PTPDC1: variants seen among roughly 807,000 people sequenced by gnomAD.
The protein encoded by PTPDC1 is protein tyrosine phosphatase domain containing 1.
Under a neutral mutation model 75.3 loss-of-function variants are expected in PTPDC1, and 53 were observed. That is an observed-to-expected ratio of 0.70 (90% confidence interval 0.56 to 0.88). The LOEUF is 0.88. PTPDC1 is among the 40% of genes least tolerant of loss of function. The pLI is 0.00. For synonymous variants in PTPDC1, 349 were observed against 366.2 expected, an observed-to-expected ratio of 0.95 and a Z score of 0.54; for missense variants, 925 against 998.6, an observed-to-expected ratio of 0.93 and a Z score of 0.99.
At chr9:94,040,703 C>T (rs1825404312) in intron 1 of PTPDC1, among the ~76,000 whole-genome samples, 1 of 152,060 alleles carries the variant, frequency 6.6e-6, no homozygotes, top group Non-Finnish European at 1.5e-5. Context: ...TATTTGTACA[C>T]AATTTTGTAT....
intron 8 of PTPDC1, among the ~76,000 whole-genome samples, chr9:94,105,637 C>T (rs867857459): frequency 6.2e-5 from 9 of 146,070 alleles, no homozygotes; most frequent in Admixed American, 2.1e-4. Flanking sequence ...CACTGCACTC[C>T]GGCCTGGCAA....
rs536846372 is a variant in PTPDC1 at position 94,049,353 on chromosome 9, G to A, written c.-6-15381G>A. 9.0e-4 allele frequency among the ~76,000 whole-genome samples: 137 copies of A among 152,216 alleles called. 1 individual carries two copies. Among genetic ancestry groups the A allele is most frequent in the African/African-American group, 2.8e-3 (117 of 41,524 alleles). On this transcript the variant is annotated intron_variant, in intron 1 of 9. Coordinates refer to the PTPDC1 transcript ENST00000375360. ...GCATGTTTTTGCAGCAGCTGGTACC[G>A]GTTGTTCCTTTCCATGCTTAGTGCT...
Position 94,085,320 on chromosome 9 carries a change from AC to A in PTPDC1, c.315del (p.His105GlnfsTer65), listed in dbSNP as rs1827031830. ...CGTTTACGGCATGTCATTCCTGGAC[AC>A]ATGGCATGTTCCATGGCGTGTGGCG... ...GERLRHVIPG[H>X]MACSMACGGR... On this transcript the variant is annotated frameshift_variant, in exon 2 of 9. Coordinates refer to ENST00000620992, the MANE Select transcript of PTPDC1 (RefSeq NM_001253829.2). LOFTEE classifies it high-confidence loss of function. 1 of 1,614,114 alleles carries A rather than the reference AC, an allele frequency of 6.2e-7. No homozygotes were observed. The highest frequency in any genetic ancestry group is 8.5e-7 in the Non-Finnish European group (1 of 1,180,040).
chr9:94,049,663 A>G (rs1430417130), intron 1 of PTPDC1, among the ~76,000 whole-genome samples: 1 of 151,978 alleles, frequency 6.6e-6, no homozygotes, highest in African/African-American at 2.4e-5. Flanking sequence ...CCTTCATTTC[A>G]ACTTTGGTGA....
chr9:94,068,255 C>A (rs764299527), intron 2 of PTPDC1, among the ~76,000 whole-genome samples: 15 of 152,032 alleles, frequency 9.9e-5, no homozygotes, highest in Non-Finnish European at 2.1e-4. Flanking sequence ...ACTCAGAGAC[C>A]CCCATTCAAG....
intron 2 of PTPDC1, among the ~76,000 whole-genome samples, chr9:94,078,750 T>G (rs1218700436): frequency 1.3e-5 from 2 of 152,234 alleles, no homozygotes; most frequent in African/African-American, 4.8e-5. Flanking sequence ...CCACTTCAGA[T>G]CCTCTGTTGA....
upstream of PTPDC1, among the ~76,000 whole-genome samples, chr9:94,080,793 A>G (rs1826850711): frequency 6.6e-6 from 1 of 152,202 alleles, no homozygotes; most frequent in East Asian, 1.9e-4. Flanking sequence ...ACATTTTTGG[A>G]GTAATCAGTG....
In PTPDC1 at chr9:94,035,639, C is replaced by T. The variant is rs574805511; in HGVS notation, c.-7+4512C>T. On this transcript the variant is annotated intron_variant, in intron 1 of 9. Transcript: ENST00000375360. Reference sequence around the variant, plus strand: ...CCATTGTGAATACTGCTACAATAAACGTGGGCATGCAGACATCTCTTCAAC... The same window carrying T: ...CCATTGTGAATACTGCTACAATAAATGTGGGCATGCAGACATCTCTTCAAC... 3.1e-4 allele frequency among the ~76,000 whole-genome samples: 47 copies of T among 152,298 alleles called. 1 individual carries two copies. Among genetic ancestry groups the T allele is most frequent in the African/African-American group, 1.1e-3 (45 of 41,580 alleles).
At chr9:94,060,794 C>T (rs1215143917) in intron 1 of PTPDC1, among the ~76,000 whole-genome samples, 1 of 152,184 alleles carries the variant, frequency 6.6e-6, no homozygotes, top group Non-Finnish European at 1.5e-5. Context: ...CATGAGAACT[C>T]TGCCCCCACC....
In PTPDC1 at chr9:94,097,508, T is replaced by C; in HGVS notation, c.942T>C (p.Ala314=). The change falls in exon 6 of 9, where the codon GCT becomes GCC. Residue 314 remains alanine (A), a synonymous_variant. Transcript: ENST00000620992. ...IFSCCDPKAH[A]VTLPQYLIRQ... is the part of the protein sequence containing the mutation. ...CTTGCTGTGATCCCAAAGCACATGC[T>C]GTCACCTTACCTCAATATCTAATTC... 2 of 1,614,210 alleles carry C rather than the reference T, an allele frequency of 1.2e-6. No homozygotes were observed. The highest frequency in any genetic ancestry group is 1.7e-6 in the Non-Finnish European group (2 of 1,180,042).
At position 94,109,806 on chromosome 9, in the gene PTPDC1, A is replaced by G. The variant is rs143358458; in HGVS notation, c.*1862A>G. 2.5e-3 allele frequency: 379 copies of G among 152,370 alleles called. 3 individuals carry two copies. The highest frequency in any genetic ancestry group is 8.7e-3 in the African/African-American group (362 of 41,582). The allele number at this position is 152,370 out of a possible 1,614,324, so 9.4% of individuals were successfully genotyped here. ...TATGACAAGGGAAATTAATCAGGCT[A>G]TACATAAGTATTGTATTTATTTGAA... On this transcript the variant is annotated 3_prime_UTR_variant, in exon 9 of 9. Transcript: ENST00000620992.
upstream of PTPDC1, among the ~76,000 whole-genome samples, chr9:94,080,756 A>C (rs1332136150): frequency 6.6e-6 from 1 of 152,228 alleles, no homozygotes; most frequent in African/African-American, 2.4e-5. Flanking sequence ...GGACAACTAA[A>C]TACAACATGT....
intron 1 of PTPDC1, among the ~76,000 whole-genome samples, chr9:94,047,633 G>T (rs1402154833): frequency 6.6e-6 from 1 of 152,150 alleles, no homozygotes; most frequent in Non-Finnish European, 1.5e-5. Flanking sequence ...CCAGGAGCTG[G>T]TTTTTAGAAA....
intron 1 of PTPDC1, among the ~76,000 whole-genome samples, chr9:94,063,705 T>G (rs940965445): frequency 1.3e-5 from 2 of 152,208 alleles, no homozygotes; most frequent in Admixed American, 6.5e-5. Context: ...ATCACTGAGA[T>G]TTGAGAAGTG....
chr9:94,084,564 G>A lies in PTPDC1; in HGVS notation c.34G>A (p.Ala12Thr). 6.2e-7 allele frequency: 1 copy of A among 1,613,162 alleles called. No individual in the cohort carries two copies. Among genetic ancestry groups the A allele is most frequent in the South Asian group, 1.1e-5 (1 of 91,054 alleles). Reference sequence around the variant, plus strand: ...GCAGGATGCAACCAGGCGGCCCTCAGCCGTGCGCTTCCTCAGCTCCTTTCT... The same window carrying A: ...GCAGGATGCAACCAGGCGGCCCTCAACCGTGCGCTTCCTCAGCTCCTTTCT... ...QVQDATRRPS[A>T]VRFLSSFLQG... Residue 12 changes from alanine to threonine, a missense_variant, in exon 1 of 9, where the codon GCC becomes ACC. Transcript: ENST00000620992.
intron 2 of PTPDC1, among the ~76,000 whole-genome samples, chr9:94,078,518 C>T (rs1015527778): frequency 6.6e-6 from 1 of 152,082 alleles, no homozygotes; most frequent in Non-Finnish European, 1.5e-5. Context: ...TAATGTTTTT[C>T]ATCAGATTTG....
chr9:94,081,345 C>T (rs1826876879), upstream of PTPDC1, among the ~76,000 whole-genome samples: 1 of 151,978 alleles, frequency 6.6e-6, no homozygotes, highest in Non-Finnish European at 1.5e-5. Flanking sequence ...GACATTGATT[C>T]AAAGTAAAAA....
chr9:94,087,416 A>G (rs1587889265), intron 2 of PTPDC1, among the ~76,000 whole-genome samples: 2 of 152,214 alleles, frequency 1.3e-5, no homozygotes, highest in South Asian at 4.1e-4. Flanking sequence ...TTAAAAATTA[A>G]CCTAAAGAGA....
chr9:94,054,876 G>A (rs780438787), intron 1 of PTPDC1, among the ~76,000 whole-genome samples: 6 of 152,186 alleles, frequency 3.9e-5, no homozygotes, highest in Non-Finnish European at 5.9e-5. Context: ...AGTCAACCTG[G>A]CCAGCATAAG....
Sources: allele counts gnomAD v4.1 joint callset (sites outside exome capture counted in the v4.1 genomes callset), GRCh38; gene constraint gnomAD v4.1.1; transcripts MANE v1.5; gene names NCBI Gene and HGNC (gene_info 2026-07-23, HGNC 2026-07-21).